Variants in RTL4 observed in about 807,000 individuals in gnomAD.
RTL4 encodes the protein retrotransposon Gag like 4, also known as retrotransposon Gag-like protein 4.
In RTL4, 4 loss-of-function variants were observed where a neutral mutation model predicts 5.3. The observed-to-expected ratio is 0.75, with a 90% CI of 0.37 to 1.72. The LOEUF is 1.72. Ranked by LOEUF, RTL4 falls within the 40% of genes most tolerant of loss-of-function variation. The probability of loss-of-function intolerance (pLI) is 0.04; values close to 1 mark genes in which losing one functional copy is unlikely to be tolerated. For synonymous variants in RTL4, 98 were observed against 87.3 expected (o/e 1.12, Z -0.68); for missense variants, 260 against 227.1 (o/e 1.14, Z -0.93).
chrX:112,242,355 G>A, the RTL4 span, among the ~76,000 whole-genome samples: 1 of 111,467 alleles, frequency 9.0e-6, no homozygotes, highest in Non-Finnish European at 1.9e-5. Flanking sequence ...ATTCGTTTGT[G>A]TCCTCTTTTA....
chrX:112,442,549 T>C, the RTL4 span, among the ~76,000 whole-genome samples: 1 of 111,321 alleles, frequency 9.0e-6, no homozygotes, highest in Non-Finnish European at 1.9e-5. Flanking sequence ...GTGCCTGGCC[T>C]CTTTGCTGTA....
the RTL4 span, among the ~76,000 whole-genome samples, chrX:112,310,675 ATATAT>A: frequency 1.5e-5 from 1 of 67,692 alleles, no homozygotes; most frequent in Non-Finnish European, 2.5e-5. Flanking sequence ...TTTATGTATT[ATATAT>A]TATATATTTA....
the RTL4 span, among the ~76,000 whole-genome samples, chrX:112,396,380 G>T: frequency 9.0e-6 from 1 of 111,315 alleles, no homozygotes; most frequent in East Asian, 2.8e-4. Flanking sequence ...GCCTCTTTTT[G>T]CAATATGAAG....
At chrX:112,414,435 A>T in the RTL4 span, among the ~76,000 whole-genome samples, 9,461 of 111,214 alleles carry the variant, frequency 0.085, 344 homozygotes, top group African/African-American at 0.13. Context: ...AAAAGGCTCT[A>T]ATGCTCTCTT....
At chrX:112,403,483 C>A in the RTL4 span, among the ~76,000 whole-genome samples, 1 of 111,897 alleles carries the variant, frequency 8.9e-6, no homozygotes, top group African/African-American at 3.2e-5. Flanking sequence ...AAGGCCCTAA[C>A]TGGCTATTTG....
At chrX:112,188,774 A>G in the RTL4 span, among the ~76,000 whole-genome samples, 2 of 111,164 alleles carry the variant, frequency 1.8e-5, no homozygotes, top group Non-Finnish European at 1.9e-5. Context: ...GGGATGCTCA[A>G]CTATCCCCCC....
At chrX:112,244,678 C>T in the RTL4 span, among the ~76,000 whole-genome samples, 1 of 111,736 alleles carries the variant, frequency 8.9e-6, no homozygotes, top group Admixed American at 9.5e-5. Flanking sequence ...TTAATTGGGG[C>T]ATGTAGCACA....
At chrX:112,163,198 C>T in the RTL4 span, among the ~76,000 whole-genome samples, 18 of 111,796 alleles carry the variant, frequency 1.6e-4, no homozygotes, top group East Asian at 5.1e-3. Flanking sequence ...GTGTAGAATT[C>T]AGCCCGAAAA....
the RTL4 span, among the ~76,000 whole-genome samples, chrX:112,176,788 G>T: frequency 4.8e-4 from 53 of 109,815 alleles, no homozygotes; most frequent in Non-Finnish European, 7.8e-4. Context: ...TATTTAATTG[G>T]TTTTTTTTAC....
At chrX:112,249,771 AT>A in the RTL4 span, among the ~76,000 whole-genome samples, 2 of 97,119 alleles carry the variant, frequency 2.1e-5, no homozygotes, top group African/African-American at 8.1e-5. Context: ...ATATATATAT[AT>A]GTAATTATAT....
At chrX:112,183,875 G>T in the RTL4 span, among the ~76,000 whole-genome samples, 1 of 111,859 alleles carries the variant, frequency 8.9e-6, no homozygotes, top group Non-Finnish European at 1.9e-5. Context: ...GTCTATCATT[G>T]ATGGACATTT....
At chrX:112,377,605 G>A in the RTL4 span, among the ~76,000 whole-genome samples, 36 of 111,670 alleles carry the variant, frequency 3.2e-4, no homozygotes, top group African/African-American at 1.1e-3. Flanking sequence ...TTAAGTCAAG[G>A]GCATCATAAA....
At chrX:112,371,970 A>G in the RTL4 span, among the ~76,000 whole-genome samples, 30 of 112,312 alleles carry the variant, frequency 2.7e-4, no homozygotes, top group African/African-American at 9.0e-4. Context: ...TTTAAAATAA[A>G]TTGCTATTAT....
the RTL4 span, among the ~76,000 whole-genome samples, chrX:112,086,282 C>T: frequency 8.9e-6 from 1 of 112,394 alleles, no homozygotes; most frequent in Non-Finnish European, 1.9e-5. Flanking sequence ...AAAATGACTA[C>T]AACATCACAA....
At chrX:112,337,573 G>A in the RTL4 span, among the ~76,000 whole-genome samples, 1 of 111,249 alleles carries the variant, frequency 9.0e-6, no homozygotes, top group Non-Finnish European at 1.9e-5. Flanking sequence ...GTGAGCCACC[G>A]TGCCTGGCAA....
the RTL4 span, among the ~76,000 whole-genome samples, chrX:112,106,108 G>A: frequency 8.9e-6 from 1 of 112,087 alleles, no homozygotes; most frequent in Non-Finnish European, 1.9e-5. Flanking sequence ...TTTGCCAAAT[G>A]CTTTTTGTGT....
At chrX:112,437,802 A>ATGGTGGTGG in the RTL4 span, among the ~76,000 whole-genome samples, 31 of 77,010 alleles carry the variant, frequency 4.0e-4, no homozygotes, top group South Asian at 2.7e-3. Context: ...GGTGGTGGTG[A>ATGGTGGTGG]TGGTGGTGGT....
At chrX:112,350,292 C>T in the RTL4 span, among the ~76,000 whole-genome samples, 76 of 109,688 alleles carry the variant, frequency 6.9e-4, no homozygotes, top group African/African-American at 2.5e-3. Flanking sequence ...ATTTTTGCAT[C>T]AATGTTCATC....
At chrX:112,284,564 A>G in the RTL4 span, among the ~76,000 whole-genome samples, 1 of 111,391 alleles carries the variant, frequency 9.0e-6, no homozygotes, top group Admixed American at 9.5e-5. Context: ...AGGTTCTCTA[A>G]ACTATGAAAA....
Sources: allele counts gnomAD v4.1 joint callset (sites outside exome capture counted in the v4.1 genomes callset), GRCh38; gene constraint gnomAD v4.1.1; transcripts MANE v1.5; gene names NCBI Gene and HGNC (gene_info 2026-07-23, HGNC 2026-07-21).